The following CALN1 variants were observed in gnomAD, a reference collection of about 807,000 sequenced individuals.
CALN1 encodes calneuron 1, also known as calcium-binding protein 8.
Under a neutral mutation model 30.6 loss-of-function variants are expected in CALN1, and 17 were observed. The ratio of observed to expected loss-of-function variants is 0.56; its 90% CI spans 0.38 to 0.83. The LOEUF (loss-of-function observed/expected upper bound fraction) is 0.83, where lower values mean the gene tolerates loss of function less well. CALN1 is among the 40% of genes least tolerant of loss of function. The probability of loss-of-function intolerance (pLI) is 0.00; values close to 1 mark genes in which losing one functional copy is unlikely to be tolerated. For synonymous variants in CALN1, 156 were observed against 131.4 expected, an observed-to-expected ratio of 1.19 and a Z score of -1.28; for missense variants, 291 against 354.9, an observed-to-expected ratio of 0.82 and a Z score of 1.45.
chr7:72,379,092 G>A (rs1804738601), intron 2 of CALN1, among the ~76,000 whole-genome samples: 1 of 151,944 alleles, frequency 6.6e-6, no homozygotes, highest in South Asian at 2.1e-4. Flanking sequence ...TTTTTCATTT[G>A]TCAAAATTTT....
intron 3 of CALN1, among the ~76,000 whole-genome samples, chr7:72,275,300 G>A (rs778286525): frequency 1.3e-5 from 2 of 151,918 alleles, no homozygotes; most frequent in Non-Finnish European, 2.9e-5. Context: ...AGAACTTTAG[G>A]GTCACCTTGC....
chr7:72,012,211 C>G (rs1203625880), intron 5 of CALN1, among the ~76,000 whole-genome samples: 1 of 152,110 alleles, frequency 6.6e-6, no homozygotes, highest in Non-Finnish European at 1.5e-5. Context: ...TATTTTGAAG[C>G]AATTTTTTAA....
intron 3 of CALN1, among the ~76,000 whole-genome samples, chr7:72,111,881 G>A (rs1404084312): frequency 6.6e-6 from 1 of 151,962 alleles, no homozygotes; most frequent in South Asian, 2.1e-4. Flanking sequence ...CTCATGAATA[G>A]CTGGGATTAC....
At chr7:72,233,700 C>T (rs555146685) in intron 3 of CALN1, among the ~76,000 whole-genome samples, 77 of 151,994 alleles carry the variant, frequency 5.1e-4, no homozygotes, top group African/African-American at 1.7e-3. Context: ...GAGCAAGGCC[C>T]TTTCTTTTAA....
intron 2 of CALN1, among the ~76,000 whole-genome samples, chr7:72,400,904 A>C (rs916418345): frequency 1.3e-5 from 2 of 152,184 alleles, no homozygotes; most frequent in South Asian, 4.2e-4. Flanking sequence ...TGTGAAAGTG[A>C]TCTGGAGATG....
At chr7:72,471,642 G>C in the CALN1 span, among the ~76,000 whole-genome samples, 1 of 152,350 alleles carries the variant, frequency 6.6e-6, no homozygotes, top group East Asian at 1.9e-4. Context: ...GCCTTCAGCC[G>C]CAAGGGTGAT....
chr7:71,977,174 T>C (rs1798141238), intron 5 of CALN1, among the ~76,000 whole-genome samples: 1 of 152,152 alleles, frequency 6.6e-6, no homozygotes, highest in African/African-American at 2.4e-5. Flanking sequence ...GGCACCCTTT[T>C]GCTTGATAAC....
chr7:71,847,613 C>T (rs1393262089), intron 5 of CALN1, among the ~76,000 whole-genome samples: 2 of 150,672 alleles, frequency 1.3e-5, no homozygotes, highest in South Asian at 2.1e-4. Flanking sequence ...ACCCAGGGGG[C>T]AGAGGTTGCA....
intron 2 of CALN1, among the ~76,000 whole-genome samples, chr7:72,371,171 G>A (rs1367385962): frequency 4.6e-5 from 7 of 152,010 alleles, no homozygotes; most frequent in Non-Finnish European, 2.9e-5. Context: ...GGGTTGCAAA[G>A]GTTTTCTTCT....
At chr7:71,940,919 CTTT>C (rs1222620496) in intron 5 of CALN1, among the ~76,000 whole-genome samples, 4 of 152,078 alleles carry the variant, frequency 2.6e-5, no homozygotes, top group Non-Finnish European at 5.9e-5. Context: ...GCCTATAGTT[CTTT>C]GTTATAGAAG....
intron 3 of CALN1, among the ~76,000 whole-genome samples, chr7:72,238,363 T>A (rs1429041918): frequency 1.3e-5 from 2 of 152,214 alleles, no homozygotes; most frequent in Non-Finnish European, 2.9e-5. Flanking sequence ...TAGAAATTCA[T>A]GGTATAATGA....
chr7:71,895,410 G>A (rs1211820926), intron 5 of CALN1, among the ~76,000 whole-genome samples: 1 of 151,710 alleles, frequency 6.6e-6, no homozygotes, highest in African/African-American at 2.4e-5. Context: ...CTCTTGTTTT[G>A]ATTTCATAGA....
chr7:72,185,578 G>A (rs1436457337), intron 3 of CALN1, among the ~76,000 whole-genome samples: 1 of 152,162 alleles, frequency 6.6e-6, no homozygotes, highest in African/African-American at 2.4e-5. Flanking sequence ...GTGTGATCAA[G>A]TTAAGGATTT....
At chr7:71,805,896 A>G (rs1262591107) in intron 6 of CALN1, among the ~76,000 whole-genome samples, 1 of 152,206 alleles carries the variant, frequency 6.6e-6, no homozygotes, top group Non-Finnish European at 1.5e-5. Context: ...ACAATGGCAT[A>G]CTATGCAGCC....
chr7:72,254,170 C>T (rs886970117), intron 3 of CALN1, among the ~76,000 whole-genome samples: 2 of 152,212 alleles, frequency 1.3e-5, no homozygotes, highest in African/African-American at 4.8e-5. Context: ...AGGAACCTTT[C>T]TCGGTGCTGC....
intron 5 of CALN1, among the ~76,000 whole-genome samples, chr7:71,997,697 C>T (rs1421023814): frequency 6.6e-6 from 1 of 152,022 alleles, no homozygotes; most frequent in African/African-American, 2.4e-5. Context: ...TGATGCATTA[C>T]TTATAGGCAA....
intron 5 of CALN1, among the ~76,000 whole-genome samples, chr7:72,016,747 T>A (rs904975339): frequency 6.6e-6 from 1 of 151,866 alleles, no homozygotes; most frequent in East Asian, 1.9e-4. Context: ...CCAAACCACC[T>A]GCCCATCTCT....
At chr7:72,179,701 T>C (rs1789618860) in intron 3 of CALN1, among the ~76,000 whole-genome samples, 1 of 152,188 alleles carries the variant, frequency 6.6e-6, no homozygotes, top group African/African-American at 2.4e-5. Flanking sequence ...GCTTCAACAA[T>C]TAGCAATATT....
chr7:72,018,353 C>T (rs1189137540), intron 5 of CALN1, among the ~76,000 whole-genome samples: 1 of 152,118 alleles, frequency 6.6e-6, no homozygotes, highest in East Asian at 1.9e-4. Context: ...CAGCCCCGCT[C>T]AGTCCCTTCC....
Sources: gnomAD v4.1 joint callset for allele counts (sites outside exome capture counted in the v4.1 genomes callset) on GRCh38, gnomAD v4.1.1 for gene constraint, MANE v1.5 for transcripts, NCBI Gene and HGNC (gene_info 2026-07-23, HGNC 2026-07-21) for gene names.